CSMD1: variants seen among roughly 807,000 people sequenced by gnomAD.
CSMD1 encodes the protein CUB and Sushi multiple domains 1, also known as CUB and sushi domain-containing protein 1.
In CSMD1, 213 loss-of-function variants were observed where a neutral mutation model predicts 417.5. The ratio of observed to expected loss-of-function variants is 0.51; its 90% CI spans 0.46 to 0.57. CSMD1 has a LOEUF of 0.57. CSMD1 is among the 20% of genes least tolerant of loss of function. The probability of loss-of-function intolerance (pLI) is 0.00; values close to 1 mark genes in which losing one functional copy is unlikely to be tolerated. For missense variants in CSMD1, 6,923 were observed against 4,529.7 expected (o/e 1.53, Z -15.17); for synonymous variants, 2,862 against 1,736.8 (o/e 1.65, Z -16.11).
chr8:2,980,240 C>T (rs1383809427), intron 54 of CSMD1, among the ~76,000 whole-genome samples: 1 of 152,212 alleles, frequency 6.6e-6, no homozygotes, highest in South Asian at 2.1e-4. Context: ...CTTTGACCAT[C>T]TCCCACTAAG....
intron 3 of CSMD1, among the ~76,000 whole-genome samples, chr8:4,082,858 T>C (rs2554643): frequency 0.2 from 30,278 of 148,346 alleles, 3,114 homozygotes; most frequent in South Asian, 0.34. Flanking sequence ...AGTGGGAACA[T>C]GCGGTGTTTG....
chr8:3,910,468 G>A (rs578185324), intron 5 of CSMD1, among the ~76,000 whole-genome samples: 1 of 152,028 alleles, frequency 6.6e-6, no homozygotes, highest in African/African-American at 2.4e-5. Context: ...GTTTTATTTT[G>A]TTCACTTTAT....
chr8:2,968,449 T>G (rs1804160762), intron 57 of CSMD1, among the ~76,000 whole-genome samples: 1 of 152,222 alleles, frequency 6.6e-6, no homozygotes, highest in Non-Finnish European at 1.5e-5. Flanking sequence ...AAATTTCAAT[T>G]CAGTTTGTAA....
At chr8:3,957,245 G>C (rs55843326) in intron 5 of CSMD1, among the ~76,000 whole-genome samples, 19,340 of 152,270 alleles carry the variant, frequency 0.13, 1,384 homozygotes, top group Middle Eastern at 0.18. Context: ...GACAGTCTTT[G>C]TGTGTAGGTT....
intron 26 of CSMD1, among the ~76,000 whole-genome samples, chr8:3,272,539 G>C (rs376562655): frequency 7.2e-6 from 1 of 138,510 alleles, no homozygotes; most frequent in South Asian, 2.4e-4. Flanking sequence ...CCATTTTCAC[G>C]ATATTGATTC....
At chr8:3,937,962 A>C (rs1179018149) in intron 5 of CSMD1, among the ~76,000 whole-genome samples, 1 of 152,196 alleles carries the variant, frequency 6.6e-6, no homozygotes, top group Non-Finnish European at 1.5e-5. Flanking sequence ...ACTTACGGTG[A>C]CCATATTAAG....
At chr8:4,220,635 G>A (rs924838755) in intron 3 of CSMD1, among the ~76,000 whole-genome samples, 1 of 152,134 alleles carries the variant, frequency 6.6e-6, no homozygotes, top group African/African-American at 2.4e-5. Flanking sequence ...ATATTTTGGA[G>A]GTGGAATCAA....
At chr8:4,767,191 C>A (rs1812524107) in intron 1 of CSMD1, among the ~76,000 whole-genome samples, 1 of 152,162 alleles carries the variant, frequency 6.6e-6, no homozygotes, top group Non-Finnish European at 1.5e-5. Context: ...AAGCCCTTAG[C>A]TTATTGAAGG....
intron 12 of CSMD1, among the ~76,000 whole-genome samples, chr8:3,445,103 A>T (rs1049625448): frequency 1.3e-5 from 2 of 152,244 alleles, no homozygotes; most frequent in Non-Finnish European, 1.5e-5. Flanking sequence ...AAAGAAAAAC[A>T]GAAAATAGGA....
intron 1 of CSMD1, among the ~76,000 whole-genome samples, chr8:4,669,930 T>A (rs1469256352): frequency 6.6e-6 from 1 of 152,182 alleles, no homozygotes; most frequent in Non-Finnish European, 1.5e-5. Flanking sequence ...TCCTTTATTT[T>A]TGAAAGTCAT....
At chr8:3,523,734 G>C (rs1208659814) in intron 10 of CSMD1, among the ~76,000 whole-genome samples, 4 of 145,758 alleles carry the variant, frequency 2.7e-5, no homozygotes, top group Non-Finnish European at 6.0e-5. Context: ...TGCACACTCA[G>C]AGACACATGC....
At chr8:3,487,579 A>G (rs1818126411) in intron 11 of CSMD1, among the ~76,000 whole-genome samples, 1 of 152,226 alleles carries the variant, frequency 6.6e-6, no homozygotes, top group African/African-American at 2.4e-5. Context: ...GGTATTCTAC[A>G]TCCACCAAAG....
intron 9 of CSMD1, among the ~76,000 whole-genome samples, chr8:3,585,586 T>C (rs17395515): frequency 0.11 from 16,694 of 152,204 alleles, 1,127 homozygotes; most frequent in Non-Finnish European, 0.14. Context: ...AATTTAACCT[T>C]TGCTGACTTC....
At chr8:4,053,170 G>C (rs372284767) in intron 3 of CSMD1, among the ~76,000 whole-genome samples, 4 of 152,152 alleles carry the variant, frequency 2.6e-5, no homozygotes, top group African/African-American at 9.7e-5. Flanking sequence ...CTGAACTACA[G>C]GTGCAAATTT....
chr8:3,117,875 C>G (rs953981362), intron 42 of CSMD1, among the ~76,000 whole-genome samples: 4 of 152,196 alleles, frequency 2.6e-5, no homozygotes, highest in Non-Finnish European at 4.4e-5. Flanking sequence ...GTTTCTTCTA[C>G]CTGGAGTGTT....
intron 3 of CSMD1, among the ~76,000 whole-genome samples, chr8:4,049,835 A>G (rs561396768): frequency 6.6e-6 from 1 of 152,292 alleles, no homozygotes; most frequent in South Asian, 2.1e-4. Flanking sequence ...TCAGTGACCA[A>G]TATTGGCATA....
At chr8:3,383,139 T>C (rs1166148173) in intron 18 of CSMD1, among the ~76,000 whole-genome samples, 5 of 152,142 alleles carry the variant, frequency 3.3e-5, no homozygotes, top group African/African-American at 1.2e-4. Flanking sequence ...AAGTTATAAA[T>C]TTAAAAGATA....
intron 2 of CSMD1, among the ~76,000 whole-genome samples, chr8:4,582,997 A>G (rs1049415340): frequency 3.9e-5 from 6 of 152,134 alleles, no homozygotes; most frequent in Non-Finnish European, 7.4e-5. Flanking sequence ...CGGTGTACTG[A>G]ATCCCCCAGC....
chr8:4,300,034 A>G (rs1797895873), intron 3 of CSMD1, among the ~76,000 whole-genome samples: 1 of 152,212 alleles, frequency 6.6e-6, no homozygotes, highest in African/African-American at 2.4e-5. Context: ...AAGAGGCCAC[A>G]AAGAGTGAGA....
Sources: gnomAD v4.1 joint callset for allele counts (sites outside exome capture counted in the v4.1 genomes callset) on GRCh38, gnomAD v4.1.1 for gene constraint, MANE v1.5 for transcripts, NCBI Gene and HGNC (gene_info 2026-07-23, HGNC 2026-07-21) for gene names.